The following ITGA6 variants were observed in gnomAD, a reference collection of about 807,000 sequenced individuals.
ITGA6 encodes the protein integrin subunit alpha 6.
A neutral mutation model predicts 133.6 loss-of-function variants in ITGA6; 63 were observed. That is an observed-to-expected ratio of 0.47 (90% confidence interval 0.38 to 0.58). The LOEUF (loss-of-function observed/expected upper bound fraction) is 0.58. Among genes scored for constraint, ITGA6 ranks in the 20% least tolerant of loss-of-function variants. ITGA6 has a pLI of 0.00. For synonymous variants in ITGA6, 434 were observed against 482.0 expected, an observed-to-expected ratio of 0.90 and a Z score of 1.30; for missense variants, 1,068 against 1,309.4, an observed-to-expected ratio of 0.82 and a Z score of 2.85.
chr2:172,476,358 T>C (rs1198753992), intron 8 of ITGA6, 37 bp from the exon 9 acceptor site: 14 of 1,070,744 alleles, frequency 1.3e-5, no homozygotes, highest in African/African-American at 3.1e-5. Flanking sequence ...CTCATGGTGA[T>C]AACCTAATGT....
chr2:172,467,568 T>TAG lies in ITGA6; in HGVS notation c.387+12_387+13dup. The TAG allele has an allele frequency of 6.2e-7, 1 of 1,606,422 alleles. No individual in the cohort carries two copies. Among genetic ancestry groups the TAG allele is most frequent in the African/African-American group, 1.3e-5 (1 of 74,874 alleles). The stretch of plus-strand genomic sequence containing the variant: ...CCAGGGGGCAAGGTCGTGGTAAGTG[T>TAG]AGAGACACATGTTCATCCTATACTG... On this transcript the variant is annotated intron_variant, in intron 3 of 25. Coordinates refer to ENST00000684293, the MANE Select transcript of ITGA6 (RefSeq NM_000210.4).
At chr2:172,443,544 C>T (rs1684628078) in intron 1 of ITGA6, among the ~76,000 whole-genome samples, 1 of 152,138 alleles carries the variant, frequency 6.6e-6, no homozygotes, top group Admixed American at 6.5e-5. Flanking sequence ...TCTGATAGGA[C>T]CACAGGCTAC....
At chr2:172,459,716 A>G (rs1685354334) in intron 1 of ITGA6, among the ~76,000 whole-genome samples, 1 of 152,240 alleles carries the variant, frequency 6.6e-6, no homozygotes, top group Non-Finnish European at 1.5e-5. Context: ...ATATGCTATT[A>G]GGACAGTATT....
At chr2:172,432,955 G>A (rs1388371921) in intron 1 of ITGA6, among the ~76,000 whole-genome samples, 1 of 152,226 alleles carries the variant, frequency 6.6e-6, no homozygotes, top group Non-Finnish European at 1.5e-5. Context: ...TTCAAGGATA[G>A]TAAGGGAATC....
chr2:172,501,301 T>C (rs1159699255), intron 24 of ITGA6, among the ~76,000 whole-genome samples: 1 of 152,226 alleles, frequency 6.6e-6, no homozygotes, highest in South Asian at 2.1e-4. Context: ...TAAAATTTAC[T>C]GTAAAAGGCA....
intron 13 of ITGA6, among the ~76,000 whole-genome samples, chr2:172,486,237 C>CTGG (rs2149070964): frequency 6.7e-6 from 1 of 148,602 alleles, no homozygotes; most frequent in South Asian, 2.2e-4. Flanking sequence ...TATGGGGCTG[C>CTGG]TGGTACTGGT....
rs1267498185 is a variant in ITGA6, at chr2:172,479,677, A to G, written c.1425A>G (p.Thr475=). 5 of 1,614,008 alleles carry G rather than the reference A, an allele frequency of 3.1e-6. No individual in the cohort carries two copies. In the Admixed American group the frequency reaches 5.0e-5, roughly 16 times the overall value. ...TGATTAATATTCAGAAAACCATCAC[A>G]GTAACTCCTAACAGAATTGACCTCC... is the stretch of plus-strand genomic sequence containing the variant. ...RPVINIQKTI[T]VTPNRIDLRQ... The change falls in exon 10 of 26, where the codon ACA becomes ACG. Residue 475 remains threonine, a synonymous_variant. Coordinates refer to ENST00000684293, the MANE Select transcript of ITGA6 (RefSeq NM_000210.4).
rs1301208478 is a variant in ITGA6 at position 172,457,867 on chromosome 2, G to T, written c.183-7672G>T. On this transcript the variant is annotated intron_variant, in intron 1 of 25. Coordinates refer to ENST00000684293, the MANE Select transcript of ITGA6 (RefSeq NM_000210.4). ...TGGTTTTGCTTCCTGGCTCCTCAAG[G>T]CTCCCTAATAGTTTAGAGATTATGA... Among the ~76,000 whole-genome samples the T allele has an allele frequency of 2.6e-5, 4 of 152,254 alleles. No individual in the cohort carries two copies. In the South Asian group the frequency reaches 8.3e-4, roughly 32 times the overall value.
intron 14 of ITGA6, 25 bp downstream of exon 14, chr2:172,487,163 CA>C: frequency 6.6e-7 from 1 of 1,525,346 alleles, no homozygotes; most frequent in Non-Finnish European, 9.1e-7. Context: ...GTAGCACTAG[CA>C]AAAATGATTC....
At chr2:172,441,802 A>G (rs1046972842) in intron 1 of ITGA6, among the ~76,000 whole-genome samples, 14 of 152,132 alleles carry the variant, frequency 9.2e-5, no homozygotes, top group African/African-American at 3.1e-4. Flanking sequence ...AGGATTTGTC[A>G]TAGTCCTGCA....
intron 9 of ITGA6, among the ~76,000 whole-genome samples, chr2:172,478,720 T>G (rs1686290418): frequency 6.6e-6 from 1 of 152,140 alleles, no homozygotes; most frequent in African/African-American, 2.4e-5. Flanking sequence ...AGTTTAAAAG[T>G]TTAAGTTTTT....
At chr2:172,462,904 C>T (rs1288136634) in intron 1 of ITGA6, among the ~76,000 whole-genome samples, 3 of 152,212 alleles carry the variant, frequency 2.0e-5, no homozygotes, top group Non-Finnish European at 4.4e-5. Context: ...CCCTCTTCTC[C>T]CTTTTCTCTG....
intron 15 of ITGA6, 31 bp from the exon 16 acceptor site, chr2:172,487,516 G>C: frequency 6.2e-7 from 1 of 1,612,188 alleles, no homozygotes; most frequent in South Asian, 1.1e-5. Flanking sequence ...CAAATGAGTG[G>C]ATTGTGACCT....
chr2:172,441,637 A>C (rs557145489), intron 1 of ITGA6, among the ~76,000 whole-genome samples: 1 of 151,598 alleles, frequency 6.6e-6, no homozygotes, highest in South Asian at 2.1e-4. Context: ...TCATCTGTGA[A>C]CGAGAGTAGA....
rs1214554170 is a variant in ITGA6, at chr2:172,469,375, GGA to G, written c.639_640del (p.Trp213Ter). 4 of 1,613,252 alleles carry G rather than the reference GGA, an allele frequency of 2.5e-6. No homozygotes were observed. The Admixed American group carries it at 6.7e-5, about 27-fold the overall frequency. On this transcript the variant is annotated stop_gained and frameshift_variant, in exon 4 of 26. Coordinates refer to ENST00000684293, the MANE Select transcript of ITGA6 (RefSeq NM_000210.4). LOFTEE classifies it high-confidence loss of function. Reference sequence around the variant, plus strand: ...TTTGGAGCCCCGGGTACTTATAACTGGAAAGGTATGACCTTTGTATTTATAGA... The same window carrying G: ...TTTGGAGCCCCGGGTACTTATAACTGAAGGTATGACCTTTGTATTTATAGA...
intron 5 of ITGA6, 98 bp downstream of exon 5, chr2:172,471,203 G>A: frequency 1.4e-6 from 2 of 1,458,588 alleles, no homozygotes; most frequent in Middle Eastern, 4.3e-4. Context: ...TCTAGGCTGA[G>A]AAGAGGCCAG....
At chr2:172,438,276 G>T (rs955979248) in intron 1 of ITGA6, among the ~76,000 whole-genome samples, 2 of 151,752 alleles carry the variant, frequency 1.3e-5, no homozygotes, top group African/African-American at 4.8e-5. Context: ...GACGTACCGT[G>T]GGGGAGGTGG....
At position 172,504,134 on chromosome 2, in the gene ITGA6, G is replaced by T. The variant is rs745998032; in HGVS notation, c.*66G>T. 1 of 1,600,104 alleles carries T rather than the reference G, an allele frequency of 6.2e-7. No homozygotes were observed. ...TCTAGGTACGATGACAGTGTTCCCC[G>T]ATACCATGCTGTAAGGATCCGGAAA... On this transcript the variant is annotated 3_prime_UTR_variant, in exon 26 of 26. Coordinates refer to ENST00000684293, the MANE Select transcript of ITGA6 (RefSeq NM_000210.4).
chr2:172,454,559 G>C (rs1425572592), intron 1 of ITGA6, among the ~76,000 whole-genome samples: 1 of 152,170 alleles, frequency 6.6e-6, no homozygotes, highest in Non-Finnish European at 1.5e-5. Context: ...CCATTGTTAG[G>C]ATCTGAGTTC....
Sources: allele counts gnomAD v4.1 joint callset (sites outside exome capture counted in the v4.1 genomes callset), GRCh38; gene constraint gnomAD v4.1.1; transcripts MANE v1.5; gene names NCBI Gene and HGNC (gene_info 2026-07-23, HGNC 2026-07-21).